FAM50B: variants seen among roughly 807,000 people sequenced by gnomAD.
The protein encoded by FAM50B is family with sequence similarity 50 member B, also known as protein FAM50B.
In FAM50B, 9 loss-of-function variants were observed where a neutral mutation model predicts 25.4. The ratio of observed to expected loss-of-function variants is 0.35; its 90% CI spans 0.21 to 0.62. The LOEUF is 0.62. FAM50B is among the 20% of genes least tolerant of loss of function. The probability of loss-of-function intolerance (pLI) is 0.73; values close to 1 mark genes in which losing one functional copy is unlikely to be tolerated. For synonymous variants in FAM50B, 212 were observed against 204.3 expected (o/e 1.04, Z -0.32); for missense variants, 372 against 477.9 (o/e 0.78, Z 2.07).
chr6:3,837,545 G>A, the FAM50B span, among the ~76,000 whole-genome samples: 2 of 152,230 alleles, frequency 1.3e-5, no homozygotes, highest in Admixed American at 1.3e-4. Flanking sequence ...CTATTAAGTA[G>A]AATGACCAAA....
chr6:3,831,968 G>C, the FAM50B span: 1 of 152,140 alleles, frequency 6.6e-6, no homozygotes, highest in African/African-American at 2.4e-5. Context: ...AACAATATTA[G>C]CAAAGGCACT....
chr6:3,832,552 C>A, the FAM50B span, among the ~76,000 whole-genome samples: 1 of 152,330 alleles, frequency 6.6e-6, no homozygotes, highest in Admixed American at 6.5e-5. Context: ...CCAGGCAACC[C>A]ACCGGGCACT....
chr6:3,840,415 G>C, the FAM50B span, among the ~76,000 whole-genome samples: 1 of 152,026 alleles, frequency 6.6e-6, no homozygotes, highest in Non-Finnish European at 1.5e-5. Context: ...GGAGGTTGCA[G>C]TGAGCCGAGA....
At position 3,850,888 on chromosome 6, in the gene FAM50B, A is replaced by C; in HGVS notation, c.*99A>C. 1 of 1,503,370 alleles carries C rather than the reference A, an allele frequency of 6.7e-7. No individual in the cohort carries two copies. The highest frequency in any genetic ancestry group is 8.9e-7 in the Non-Finnish European group (1 of 1,120,540). The allele number at this position is 1,503,370 out of a possible 1,614,324, so 93.1% of individuals were successfully genotyped here. ...TTTCGTGACCTTGATTTCTTCCCCC[A>C]AATTTAATAAAGACAGAGGGTTCTC... On this transcript the variant is annotated 3_prime_UTR_variant, in exon 2 of 2. Transcript: ENST00000648326.
Position 3,850,160 on chromosome 6 carries a change from A to C in FAM50B, c.349A>C (p.Ile117Leu), listed in dbSNP as rs1762190910. ...QEQRRERKRK[I>L]SCLSFALDDL... ...GCAGCGGCGCGAGCGCAAGCGTAAGATCTCCTGCCTGTCCTTTGCACTAGA... is the reference window on the plus strand; with the variant it reads ...GCAGCGGCGCGAGCGCAAGCGTAAGCTCTCCTGCCTGTCCTTTGCACTAGA... The change falls in exon 2 of 2, where the codon ATC (isoleucine) becomes CTC (leucine). Residue 117 changes from isoleucine to leucine, a missense_variant. Physicochemically the swap from Ile to Leu is conservative, Grantham distance 5. Coordinates refer to ENST00000648326, the MANE Select transcript of FAM50B (RefSeq NM_012135.3). 2 of 1,612,936 alleles carry C rather than the reference A, an allele frequency of 1.2e-6. No individual in the cohort carries two copies. The highest frequency in any genetic ancestry group is 1.3e-5 in the African/African-American group (1 of 74,914).
chr6:3,848,694 C>G (rs9502077), upstream of FAM50B, among the ~76,000 whole-genome samples: 2,547 of 152,284 alleles, frequency 0.017, 82 homozygotes, highest in African/African-American at 0.057. Flanking sequence ...GTCTGCCCTG[C>G]TCTTGGAGAG....
chr6:3,837,799 C>A, the FAM50B span, among the ~76,000 whole-genome samples: 6 of 152,140 alleles, frequency 3.9e-5, no homozygotes, highest in Admixed American at 1.3e-4. Flanking sequence ...TTATAACAGA[C>A]CCTCCCTTGT....
Position 3,850,248 on chromosome 6 carries a change from C to G in FAM50B, c.437C>G (p.Pro146Arg). The change falls in exon 2 of 2, where the codon CCC (proline) becomes CGC (arginine). Residue 146 changes from proline to arginine, a missense_variant. Transcript: ENST00000648326. ...CGCGCCGGAAACCTGGGCAAGAACC[C>G]CGACGTGGACACCAGCTTCCTGCCA... ...ARRAGNLGKN[P>R]DVDTSFLPDR... is the part of the protein sequence containing the mutation. 6.2e-7 allele frequency: 1 copy of G among 1,613,232 alleles called. No homozygotes were observed. Among genetic ancestry groups the G allele is most frequent in the South Asian group, 1.1e-5 (1 of 91,066 alleles).
chr6:3,834,769 G>A, the FAM50B span, among the ~76,000 whole-genome samples: 12 of 151,918 alleles, frequency 7.9e-5, no homozygotes, highest in African/African-American at 1.9e-4. Context: ...AATATATATC[G>A]GAACCATTAA....
Position 3,850,830 on chromosome 6 carries a change from A to G in FAM50B, c.*41A>G. On this transcript the variant is annotated 3_prime_UTR_variant, in exon 2 of 2. Transcript: ENST00000648326. ...GCGGAAACCGGGGGTGGGGGGAGACACTCATTTCTAGGCCCCATCACCAGT... is the reference window on the plus strand; with the variant it reads ...GCGGAAACCGGGGGTGGGGGGAGACGCTCATTTCTAGGCCCCATCACCAGT... 1 of 1,598,348 alleles carries G rather than the reference A, an allele frequency of 6.3e-7. No homozygotes were observed. The highest frequency in any genetic ancestry group is 8.5e-7 in the Non-Finnish European group (1 of 1,172,044).
chr6:3,839,535 G>C, the FAM50B span, among the ~76,000 whole-genome samples: 122 of 152,130 alleles, frequency 8.0e-4, 3 homozygotes, highest in Admixed American at 8.0e-3. Flanking sequence ...TTCTGGGATG[G>C]CAGAACCATT....
At chr6:3,848,862 G>A (rs573468829), upstream of FAM50B, among the ~76,000 whole-genome samples, 7 of 152,284 alleles carry the variant, frequency 4.6e-5, no homozygotes, top group South Asian at 1.4e-3. Context: ...ACTGGGGGGC[G>A]AGTAGGGTTC....
chr6:3,838,848 A>G, the FAM50B span, among the ~76,000 whole-genome samples: 2 of 150,632 alleles, frequency 1.3e-5, no homozygotes, highest in Non-Finnish European at 1.5e-5. Context: ...CTCAAAAAAA[A>G]AAAAAAAAAA....
At chr6:3,849,676 C>G (rs963137000) in intron 1 of FAM50B, 113 bp from the exon 2 acceptor site, 1 of 1,416,502 alleles carries the variant, frequency 7.1e-7, no homozygotes, top group African/African-American at 1.4e-5. Context: ...GTCGGCCCAG[C>G]CCCTGAACGC....
upstream of FAM50B, among the ~76,000 whole-genome samples, chr6:3,848,967 CAGAGGCGGGA>C (rs904406810): frequency 1.3e-5 from 2 of 152,210 alleles, no homozygotes; most frequent in African/African-American, 4.8e-5. Context: ...GGGGTAGCAT[CAGAGGCGGGA>C]GGAGGAGGGT....
At chr6:3,837,972 T>C in the FAM50B span, among the ~76,000 whole-genome samples, 153 of 152,324 alleles carry the variant, frequency 1.0e-3, 2 homozygotes, top group Middle Eastern at 0.017. Flanking sequence ...CGTGAACTTT[T>C]AGAGGACTTT....
the FAM50B span, among the ~76,000 whole-genome samples, chr6:3,834,359 C>CAAAAAAAAAAAAAAAAAAAAAAAAAAAGA: frequency 1.3e-5 from 1 of 75,046 alleles, no homozygotes; most frequent in African/African-American, 4.4e-5. Context: ...TGATATATGG[C>CAAAAAAAAAAAAAAAAAAAAAAAAAAAGA]AAAAAAAAAA....
At chr6:3,838,399 C>T in the FAM50B span, among the ~76,000 whole-genome samples, 9 of 151,986 alleles carry the variant, frequency 5.9e-5, no homozygotes, top group African/African-American at 1.7e-4. Flanking sequence ...TACAATCGGG[C>T]GCTACTCAGC....
At chr6:3,834,654 A>T in the FAM50B span, among the ~76,000 whole-genome samples, 2 of 152,130 alleles carry the variant, frequency 1.3e-5, no homozygotes, top group Non-Finnish European at 1.5e-5. Flanking sequence ...GAATTATCTC[A>T]CAGAGATGCA....
Sources: gnomAD v4.1 joint callset for allele counts (sites outside exome capture counted in the v4.1 genomes callset) on GRCh38, gnomAD v4.1.1 for gene constraint, MANE v1.5 for transcripts, NCBI Gene and HGNC (gene_info 2026-07-23, HGNC 2026-07-21) for gene names.